The following STK32B variants were observed in gnomAD, a reference collection of about 807,000 sequenced individuals.
The protein encoded by STK32B is serine/threonine kinase 32B, also known as serine/threonine-protein kinase 32B.
In STK32B, 43 loss-of-function variants were observed where a neutral mutation model predicts 52.6. That is an observed-to-expected ratio of 0.82 (90% CI 0.64 to 1.05). STK32B has a LOEUF of 1.05. Ranked by LOEUF, STK32B falls within the 50% of genes least tolerant of loss-of-function variation. STK32B has a pLI of 0.00. For missense variants in STK32B, 621 were observed against 534.6 expected, an observed-to-expected ratio of 1.16 and a Z score of -1.59; for synonymous variants, 238 against 204.3, an observed-to-expected ratio of 1.17 and a Z score of -1.41.
intron 1 of STK32B, among the ~76,000 whole-genome samples, chr4:5,121,036 G>C (rs28678475): frequency 0.43 from 64,797 of 151,822 alleles, 15,616 homozygotes; most frequent in Non-Finnish European, 0.57. Context: ...CACCCCAGCA[G>C]TGTACATTCA....
the STK32B span, among the ~76,000 whole-genome samples, chr4:5,041,011 G>T: frequency 6.6e-6 from 1 of 152,216 alleles, no homozygotes; most frequent in African/African-American, 2.4e-5. Context: ...CCTTGATGGA[G>T]ACATCGTTAT....
Position 5,400,363 on chromosome 4 carries a change from C to G in STK32B, c.472+2119C>G, listed in dbSNP as rs1390325650. Among the ~76,000 whole-genome samples, 1 of 152,166 alleles carries G rather than the reference C, an allele frequency of 6.6e-6. No individual in the cohort carries two copies. The highest frequency in any genetic ancestry group is 2.4e-5 in the African/African-American group (1 of 41,438). The stretch of plus-strand genomic sequence containing the variant: ...CCTTCCCCACATTCTTTCTGCATCT[C>G]GTTCTGCCCCCTTGAGCTCCTCATC... On this transcript the variant is annotated intron_variant, in intron 5 of 11. Transcript: ENST00000282908. This position sits in a 1 kb window ranked among gnomAD's most constrained non-coding sequence, Gnocchi z 6.1.
chr4:5,097,283 T>C (rs1713455945), intron 1 of STK32B, among the ~76,000 whole-genome samples: 1 of 152,362 alleles, frequency 6.6e-6, no homozygotes, highest in South Asian at 2.1e-4. Context: ...GAATGAATGA[T>C]ACACTTTAAA....
At chr4:5,346,205 G>T (rs973123951) in intron 4 of STK32B, among the ~76,000 whole-genome samples, 4 of 152,194 alleles carry the variant, frequency 2.6e-5, no homozygotes. Flanking sequence ...TGAGAAATCA[G>T]GTGTGTTCAA....
chr4:5,361,092 C>T (rs1224067402), intron 4 of STK32B, among the ~76,000 whole-genome samples: 1 of 152,204 alleles, frequency 6.6e-6, no homozygotes, highest in Non-Finnish European at 1.5e-5. Context: ...CCTTTTGTGA[C>T]TGGCTTCTTT....
At chr4:5,154,684 G>A (rs116387910) in intron 2 of STK32B, among the ~76,000 whole-genome samples, 2 of 152,282 alleles carry the variant, frequency 1.3e-5, no homozygotes, top group African/African-American at 4.8e-5. Context: ...CTCTCACACA[G>A]CAGCGCCAGG....
chr4:5,066,064 G>T (rs1742411499), intron 1 of STK32B, among the ~76,000 whole-genome samples: 1 of 152,060 alleles, frequency 6.6e-6, no homozygotes, highest in Non-Finnish European at 1.5e-5. Context: ...TTTCTCCTCG[G>T]ATTTCCAAAC....
intron 2 of STK32B, among the ~76,000 whole-genome samples, chr4:5,145,950 C>T (rs1716876247): frequency 6.6e-6 from 1 of 151,900 alleles, no homozygotes; most frequent in East Asian, 1.9e-4. Context: ...AGATATTTTT[C>T]TATGTTTACT....
At chr4:5,444,879 C>A (rs1021144437) in intron 6 of STK32B, among the ~76,000 whole-genome samples, 1 of 152,154 alleles carries the variant, frequency 6.6e-6, no homozygotes, top group Admixed American at 6.5e-5. Context: ...TTCCTGTTTC[C>A]CAGGGCACAA....
intron 5 of STK32B, among the ~76,000 whole-genome samples, chr4:5,401,950 C>A (rs1477899067): frequency 6.6e-6 from 1 of 152,360 alleles, no homozygotes; most frequent in East Asian, 1.9e-4. Flanking sequence ...GCTAAACCCA[C>A]TCCAATGTCT....
chr4:5,178,416 G>A (rs987452015), intron 3 of STK32B, among the ~76,000 whole-genome samples: 1 of 152,216 alleles, frequency 6.6e-6, no homozygotes, highest in African/African-American at 2.4e-5. Flanking sequence ...CTCTGGGCCT[G>A]TGATGGGAGG....
At chr4:5,041,014 A>G in the STK32B span, among the ~76,000 whole-genome samples, 8 of 152,336 alleles carry the variant, frequency 5.3e-5, no homozygotes, top group African/African-American at 1.9e-4. Context: ...TGATGGAGAC[A>G]TCGTTATGTG....
intron 2 of STK32B, among the ~76,000 whole-genome samples, chr4:5,152,805 C>T (rs1717479524): frequency 6.6e-6 from 1 of 152,224 alleles, no homozygotes. Flanking sequence ...GCAGCACTGC[C>T]ACCTTCTTAT....
intron 1 of STK32B, among the ~76,000 whole-genome samples, chr4:5,104,188 T>G (rs973491716): frequency 6.6e-6 from 1 of 152,184 alleles, no homozygotes; most frequent in Admixed American, 6.5e-5. Context: ...AATTGAATCG[T>G]GGGGGTGGTT....
chr4:5,313,269 G>A (rs1402824992), intron 3 of STK32B, among the ~76,000 whole-genome samples: 1 of 151,860 alleles, frequency 6.6e-6, no homozygotes, highest in Non-Finnish European at 1.5e-5. Context: ...TGTTCAACAA[G>A]CTAAAGAAAA....
intron 5 of STK32B, among the ~76,000 whole-genome samples, chr4:5,415,832 A>G (rs543474627): frequency 6.6e-6 from 1 of 151,876 alleles, no homozygotes; most frequent in African/African-American, 2.4e-5. Context: ...CCCCTCCCAT[A>G]TGTAGTCCCA....
At chr4:5,450,755 T>C (rs1715917044) in intron 7 of STK32B, among the ~76,000 whole-genome samples, 1 of 151,378 alleles carries the variant, frequency 6.6e-6, no homozygotes, top group Non-Finnish European at 1.5e-5. Flanking sequence ...ATTACCCAGC[T>C]CCAAGACTGA....
chr4:5,284,332 A>C (rs1242401333), intron 3 of STK32B, among the ~76,000 whole-genome samples: 2 of 152,176 alleles, frequency 1.3e-5, no homozygotes, highest in Admixed American at 1.3e-4. Context: ...GATTAAGACA[A>C]AAGTAAACTT....
At chr4:5,316,333 A>AATATTAT (rs1181738754) in intron 3 of STK32B, among the ~76,000 whole-genome samples, 32 of 46,564 alleles carry the variant, frequency 6.9e-4, no homozygotes, top group African/African-American at 2.3e-3. Flanking sequence ...TATTATATAC[A>AATATTAT]ATATAATATA....
Sources: allele counts gnomAD v4.1 joint callset (sites outside exome capture counted in the v4.1 genomes callset), GRCh38; gene constraint gnomAD v4.1.1; non-coding constraint Gnocchi (gnomAD v3.1); transcripts MANE v1.5; gene names NCBI Gene and HGNC (gene_info 2026-07-23, HGNC 2026-07-21).